BAZ2B: variants seen among roughly 807,000 people sequenced by gnomAD.
BAZ2B encodes bromodomain adjacent to zinc finger domain 2B, also known as bromodomain adjacent to zinc finger domain protein 2B.
Under a neutral mutation model 246.0 loss-of-function variants are expected in BAZ2B, and 91 were observed. The ratio of observed to expected loss-of-function variants is 0.37; its 90% CI spans 0.31 to 0.44. The LOEUF (loss-of-function observed/expected upper bound fraction) is 0.44. Ranked by LOEUF, BAZ2B falls within the 20% of genes least tolerant of loss-of-function variation. BAZ2B has a pLI of 1.00. For missense variants in BAZ2B, 2,332 were observed against 2,533.7 expected (o/e 0.92, Z 1.71); for synonymous variants, 855 against 860.0 (o/e 0.99, Z 0.10).
chr2:159,606,254 G>C (rs1693462927), intron 1 of BAZ2B, among the ~76,000 whole-genome samples: 1 of 152,050 alleles, frequency 6.6e-6, no homozygotes, highest in African/African-American at 2.4e-5. Context: ...CAAACCCTAA[G>C]AACACTTAAC....
chr2:159,320,238 G>GA lies in BAZ2B; in HGVS notation c.*26dup, dbSNP rs770456868. The GA allele has an allele frequency of 2.7e-6, 4 of 1,499,746 alleles. No individual in the cohort carries two copies. The highest frequency in any genetic ancestry group is 2.7e-5 in the Admixed American group (1 of 36,748). The allele number at this position is 1,499,746 out of a possible 1,614,324, so 92.9% of individuals were successfully genotyped here. On this transcript the variant is annotated 3_prime_UTR_variant, in exon 37 of 37. Coordinates refer to ENST00000392783, the MANE Select transcript of BAZ2B (RefSeq NM_013450.4). Reference sequence around the variant, plus strand: ...GGTCTCATTTGTCCTTGTTTAGAAGGAAAAAAATAAAGAGATTATTATAAC... The same window carrying GA: ...GGTCTCATTTGTCCTTGTTTAGAAGGAAAAAAAATAAAGAGATTATTATAAC...
chr2:159,492,136 A>G (rs2080579216), intron 2 of BAZ2B, among the ~76,000 whole-genome samples: 1 of 152,180 alleles, frequency 6.6e-6, no homozygotes, highest in Non-Finnish European at 1.5e-5. Flanking sequence ...ATTAGTCACC[A>G]TCACCTGGTT....
At chr2:159,712,163 T>A in the BAZ2B span, 1 of 149,956 alleles carries the variant, frequency 6.7e-6, no homozygotes, top group Non-Finnish European at 1.5e-5. Context: ...GGTGGGCCTG[T>A]GGGCGGGGAC....
intron 26 of BAZ2B, among the ~76,000 whole-genome samples, chr2:159,373,769 T>A (rs930417403): frequency 6.6e-6 from 1 of 152,160 alleles, no homozygotes; most frequent in South Asian, 2.1e-4. Context: ...AGGTCAAGGC[T>A]GCAGTGACCA....
At chr2:159,376,723 T>C (rs2061447306) in intron 25 of BAZ2B, among the ~76,000 whole-genome samples, 1 of 152,174 alleles carries the variant, frequency 6.6e-6, no homozygotes, top group African/African-American at 2.4e-5. Flanking sequence ...TATTTGAAAA[T>C]GCCATGTATC....
chr2:159,657,043 T>C, the BAZ2B span, among the ~76,000 whole-genome samples: 16 of 152,296 alleles, frequency 1.1e-4, no homozygotes, highest in Admixed American at 2.0e-4. Flanking sequence ...TTTGGTATTG[T>C]ATCTAAAAAT....
rs74713076 is a variant in BAZ2B at position 159,432,662 on chromosome 2, T to A, written c.1900+95A>T. On this transcript the variant is annotated intron_variant, in intron 9 of 36. Coordinates refer to ENST00000392783, the MANE Select transcript of BAZ2B (RefSeq NM_013450.4). ...ACAAAGTTGTGTGAAACATAGTAAA[T>A]GACGCTGATTTTAAGTCTGAATTAA... 184 of 1,464,610 alleles carry A rather than the reference T, an allele frequency of 1.3e-4. 1 individual carries two copies. In the African/African-American group the frequency reaches 2.1e-3, roughly 17 times the overall value. 90.7% of individuals were successfully genotyped at this position (1,464,610 alleles called of 1,614,324 possible).
chr2:159,418,964 C>A (rs916988239), intron 13 of BAZ2B, among the ~76,000 whole-genome samples: 2 of 152,166 alleles, frequency 1.3e-5, no homozygotes, highest in African/African-American at 4.8e-5. Flanking sequence ...TGGATTAAGG[C>A]AATTGGTCTG....
chr2:159,576,066 A>G (rs1685213189), intron 1 of BAZ2B, among the ~76,000 whole-genome samples: 1 of 152,214 alleles, frequency 6.6e-6, no homozygotes, highest in Non-Finnish European at 1.5e-5. Flanking sequence ...TACTAAGAAT[A>G]TAAATTAGCT....
intron 2 of BAZ2B, among the ~76,000 whole-genome samples, chr2:159,496,589 C>G (rs184997833): frequency 2.0e-3 from 303 of 150,182 alleles, no homozygotes; most frequent in African/African-American, 7.2e-3. Context: ...TCGAGACCAG[C>G]CTGACCAACA....
chr2:159,475,788 G>A (rs1046292757), intron 3 of BAZ2B, among the ~76,000 whole-genome samples: 2 of 152,120 alleles, frequency 1.3e-5, no homozygotes, highest in Non-Finnish European at 2.9e-5. Context: ...CTGTTTGTTA[G>A]TTTTCCTTCT....
chr2:159,439,896 G>C (rs1292925179), intron 6 of BAZ2B, among the ~76,000 whole-genome samples: 2 of 152,024 alleles, frequency 1.3e-5, no homozygotes, highest in Admixed American at 6.6e-5. Flanking sequence ...TGACGAGAGA[G>C]ATTTATTTTT....
At chr2:159,666,669 AAC>A in the BAZ2B span, among the ~76,000 whole-genome samples, 1 of 152,164 alleles carries the variant, frequency 6.6e-6, no homozygotes, top group African/African-American at 2.4e-5. Context: ...CAGCCTGGCC[AAC>A]ACAACAAAAC....
intron 31 of BAZ2B, among the ~76,000 whole-genome samples, chr2:159,340,307 A>G (rs1310805578): frequency 6.6e-6 from 1 of 152,080 alleles, no homozygotes; most frequent in East Asian, 1.9e-4. Flanking sequence ...TAAGCAAACA[A>G]ATATTCCTGT....
chr2:159,639,376 A>T, the BAZ2B span, among the ~76,000 whole-genome samples: 9 of 152,170 alleles, frequency 5.9e-5, no homozygotes, highest in African/African-American at 1.4e-4. Context: ...GTAAGCACAT[A>T]AAAAAACCCA....
At chr2:159,669,000 G>A in the BAZ2B span, among the ~76,000 whole-genome samples, 2 of 151,962 alleles carry the variant, frequency 1.3e-5, no homozygotes, top group Non-Finnish European at 2.9e-5. Flanking sequence ...AGGTTGCAGT[G>A]AGCTGAGATC....
intron 2 of BAZ2B, among the ~76,000 whole-genome samples, chr2:159,524,987 A>G (rs947349187): frequency 6.6e-6 from 1 of 152,140 alleles, no homozygotes; most frequent in Admixed American, 6.5e-5. Flanking sequence ...GGAGTTCCAG[A>G]CCAGCCAGAG....
At chr2:159,707,178 C>G in the BAZ2B span, among the ~76,000 whole-genome samples, 3 of 152,176 alleles carry the variant, frequency 2.0e-5, no homozygotes, top group East Asian at 5.8e-4. Flanking sequence ...ATAATTAAAT[C>G]TAAATTATGT....
At position 159,405,095 on chromosome 2, in the gene BAZ2B, T is replaced by C; in HGVS notation, c.2697A>G (p.Ala899=). Residue 899 remains alanine, a synonymous_variant, in exon 15 of 37, where the codon GCA becomes GCG. Coordinates refer to ENST00000392783, the MANE Select transcript of BAZ2B (RefSeq NM_013450.4). The part of the protein sequence containing the change: ...LQAQEIARQA[A]QIKLLRKLQK... Reference sequence around the variant, plus strand: ...GAAGTTTTCTCAAAAGCTTTATTTGTGCTGCTTGCCTGGCTATTTCTGAAA... The same window carrying C: ...GAAGTTTTCTCAAAAGCTTTATTTGCGCTGCTTGCCTGGCTATTTCTGAAA... 1.9e-6 allele frequency: 3 copies of C among 1,614,130 alleles called. No individual in the cohort carries two copies. The highest frequency in any genetic ancestry group is 2.5e-6 in the Non-Finnish European group (3 of 1,180,002).
Sources: allele counts gnomAD v4.1 joint callset (sites outside exome capture counted in the v4.1 genomes callset), GRCh38; gene constraint gnomAD v4.1.1; transcripts MANE v1.5; gene names NCBI Gene and HGNC (gene_info 2026-07-23, HGNC 2026-07-21).